The following AGAP1 variants were observed in gnomAD, a reference collection of about 807,000 sequenced individuals.
AGAP1 encodes ArfGAP with GTPase domain, ankyrin repeat and PH domain 1.
In AGAP1, 29 loss-of-function variants were observed where a neutral mutation model predicts 105.3. That is an observed-to-expected ratio of 0.28 (90% CI 0.21 to 0.38). The LOEUF (loss-of-function observed/expected upper bound fraction) is 0.38, where lower values mean the gene tolerates loss of function less well. Ranked by LOEUF, AGAP1 falls within the 10% of genes least tolerant of loss-of-function variation. AGAP1 has a pLI of 1.00. For missense variants in AGAP1, 998 were observed against 1,165.1 expected, an observed-to-expected ratio of 0.86 and a Z score of 2.09; for synonymous variants, 509 against 485.9, an observed-to-expected ratio of 1.05 and a Z score of -0.63.
chr2:235,944,555 C>G, intron 12 of AGAP1, among the ~76,000 whole-genome samples: 1 of 152,232 alleles, frequency 6.6e-6, no homozygotes, highest in Non-Finnish European at 1.5e-5. Context: ...CAACTTCAAA[C>G]CAGCTGTTGA....
chr2:235,588,684 A>G (rs1346718167), intron 1 of AGAP1, among the ~76,000 whole-genome samples: 3 of 152,190 alleles, frequency 2.0e-5, no homozygotes, highest in African/African-American at 4.8e-5. Flanking sequence ...GGAGTAACAC[A>G]AATGGTTATC....
At chr2:235,832,511 C>T (rs981021386) in intron 9 of AGAP1, among the ~76,000 whole-genome samples, 1 of 152,208 alleles carries the variant, frequency 6.6e-6, no homozygotes. Flanking sequence ...ATATACAGTT[C>T]TTAAAAGCAC....
At chr2:235,669,770 A>G (rs1948273188) in intron 1 of AGAP1, 1 of 147,556 alleles carries the variant, frequency 6.8e-6, no homozygotes, top group South Asian at 2.1e-4. Flanking sequence ...CGCGTCGTAG[A>G]CAATGAAGCC....
chr2:235,664,113 G>C lies in AGAP1; in HGVS notation c.164-45066G>C, dbSNP rs1467985475. 3.3e-5 allele frequency among the ~76,000 whole-genome samples: 5 copies of C among 152,228 alleles called. No homozygotes were observed. Among genetic ancestry groups the C allele is most frequent in the Non-Finnish European group, 5.9e-5 (4 of 68,044 alleles). On this transcript the variant is annotated intron_variant, in intron 1 of 17. Transcript: ENST00000304032. The surrounding 1 kb of genome is among the most constrained non-coding windows in gnomAD (Gnocchi z 5.7). The stretch of plus-strand genomic sequence containing the variant: ...GTGCCTGGCAGCTAGCGAGTGGCCA[G>C]AACTGGGAGCTGCTGTGTGTGACGT...
Position 236,061,732 on chromosome 2 carries a change from A to C in AGAP1, c.2114+12451A>C, listed in dbSNP as rs186649128. 6.1e-4 allele frequency among the ~76,000 whole-genome samples: 93 copies of C among 152,186 alleles called. No homozygotes were observed. The highest frequency in any genetic ancestry group is 1.9e-3 in the African/African-American group (79 of 41,510). ...AGTGGCGTATACGGAGTGATTGCCT[A>C]ATGAGTACGAAACTTCTTTTGGAGA... On this transcript the variant is annotated intron_variant, in intron 16 of 17. Coordinates refer to ENST00000304032, the MANE Select transcript of AGAP1 (RefSeq NM_001037131.3). The surrounding 1 kb of genome is among the most constrained non-coding windows in gnomAD (Gnocchi z 4.1).
chr2:235,784,175 G>T (rs1444110936), intron 6 of AGAP1, among the ~76,000 whole-genome samples: 1 of 151,462 alleles, frequency 6.6e-6, no homozygotes, highest in Non-Finnish European at 1.5e-5. Flanking sequence ...GTCATTGTAG[G>T]TCTCGTACAT....
intron 1 of AGAP1, among the ~76,000 whole-genome samples, chr2:235,590,694 T>TGTGC (rs1219882219): frequency 9.5e-6 from 1 of 105,270 alleles, no homozygotes; most frequent in Non-Finnish European, 2.1e-5. Flanking sequence ...TGCGTGTGCG[T>TGTGC]GTGTGTGTGT....
chr2:235,769,228 C>A lies in AGAP1; in HGVS notation c.673+18740C>A, dbSNP rs569072778. 6.6e-6 allele frequency among the ~76,000 whole-genome samples: 1 copy of A among 152,320 alleles called. No individual in the cohort carries two copies. Among genetic ancestry groups the A allele is most frequent in the Non-Finnish European group, 1.5e-5 (1 of 68,028 alleles). Reference sequence around the variant, plus strand: ...GTGTCTTTTGTCCCCCAGTGCCTGGCACGGTGCCCTCCAGGAGTACTCCTG... The same window carrying A: ...GTGTCTTTTGTCCCCCAGTGCCTGGAACGGTGCCCTCCAGGAGTACTCCTG... On this transcript the variant is annotated intron_variant, in intron 6 of 17. Transcript: ENST00000304032. The surrounding 1 kb of genome is among the most constrained non-coding windows in gnomAD (Gnocchi z 4.4).
At chr2:235,812,340 A>G (rs984836954) in intron 9 of AGAP1, among the ~76,000 whole-genome samples, 7 of 152,208 alleles carry the variant, frequency 4.6e-5, no homozygotes, top group African/African-American at 2.4e-5. Flanking sequence ...CGCACCCGCC[A>G]TCGGGCCTGT....
At chr2:235,765,641 G>A (rs1325710127) in intron 6 of AGAP1, among the ~76,000 whole-genome samples, 2 of 152,154 alleles carry the variant, frequency 1.3e-5, no homozygotes, top group East Asian at 1.9e-4. Flanking sequence ...ACTTTGCCTT[G>A]TACGTGTCTA....
intron 1 of AGAP1, among the ~76,000 whole-genome samples, chr2:235,542,433 G>A (rs947593904): frequency 1.3e-5 from 2 of 152,158 alleles, no homozygotes; most frequent in African/African-American, 4.8e-5. Flanking sequence ...ATCTCTACCG[G>A]ATCAAAAGAG....
chr2:235,577,536 C>T lies in AGAP1; in HGVS notation c.163+82687C>T, dbSNP rs1944773869. On this transcript the variant is annotated intron_variant, in intron 1 of 17. Transcript: ENST00000304032. The surrounding 1 kb of genome is among the most constrained non-coding windows in gnomAD (Gnocchi z 4.5). ...GGAAATGATCGGAAGCTCCTGTGTC[C>T]CTGGTCGCTTGCTGGAGTCGGTGGG... Among the ~76,000 whole-genome samples the T allele has an allele frequency of 6.6e-6, 1 of 152,056 alleles. No homozygotes were observed. The highest frequency in any genetic ancestry group is 6.5e-5 in the Admixed American group (1 of 15,268).
At chr2:235,922,263 T>C (rs1230227762) in intron 11 of AGAP1, among the ~76,000 whole-genome samples, 4 of 152,226 alleles carry the variant, frequency 2.6e-5, no homozygotes, top group African/African-American at 7.2e-5. Context: ...GTCAATCATA[T>C]TCCTGTAATT....
chr2:235,718,511 C>T, intron 3 of AGAP1: 2 of 665,072 alleles, frequency 3.0e-6, no homozygotes, highest in Non-Finnish European at 3.7e-6. Context: ...TGTTTTGTTT[C>T]ATTTTATCTT....
At chr2:235,589,585 A>G (rs978159669) in intron 1 of AGAP1, among the ~76,000 whole-genome samples, 1 of 152,190 alleles carries the variant, frequency 6.6e-6, no homozygotes, top group Non-Finnish European at 1.5e-5. Context: ...CTTCATGGGC[A>G]GGAGGACCAT....
At chr2:236,086,606 A>C (rs1001238210) in intron 16 of AGAP1, among the ~76,000 whole-genome samples, 1 of 152,240 alleles carries the variant, frequency 6.6e-6, no homozygotes, top group African/African-American at 2.4e-5. Context: ...GTCACTCAGC[A>C]TAGAGCTGAT....
intron 13 of AGAP1, among the ~76,000 whole-genome samples, chr2:236,022,411 C>T (rs902835607): frequency 1.3e-5 from 2 of 152,150 alleles, no homozygotes. Context: ...CCGTGAACTG[C>T]GTGTGTTTAT....
intron 13 of AGAP1, among the ~76,000 whole-genome samples, chr2:236,033,038 G>T (rs550906407): frequency 2.6e-5 from 4 of 152,146 alleles, no homozygotes; most frequent in Non-Finnish European, 5.9e-5. Flanking sequence ...CTGAGGTCAG[G>T]AGTTCAAGAC....
chr2:235,856,456 G>A (rs2048689567), intron 9 of AGAP1, among the ~76,000 whole-genome samples: 1 of 152,220 alleles, frequency 6.6e-6, no homozygotes, highest in Non-Finnish European at 1.5e-5. Context: ...CTGCCATCAG[G>A]ATCTGTACAT....
Sources: gnomAD v4.1 joint callset for allele counts (sites outside exome capture counted in the v4.1 genomes callset) on GRCh38, gnomAD v4.1.1 for gene constraint, Gnocchi (gnomAD v3.1) non-coding constraint, MANE v1.5 for transcripts, NCBI Gene and HGNC (gene_info 2026-07-23, HGNC 2026-07-21) for gene names.